The following DMD variants were observed in gnomAD, a reference collection of about 807,000 sequenced individuals.
DMD encodes the protein dystrophin, also known as mutant dystrophin.
Under a neutral mutation model 330.1 loss-of-function variants are expected in DMD, and 63 were observed. That is an observed-to-expected ratio of 0.19 (90% confidence interval 0.16 to 0.24). DMD has a LOEUF of 0.24. DMD is among the 10% of genes least tolerant of loss of function. DMD has a pLI of 1.00. For synonymous variants in DMD, 1,223 were observed against 959.8 expected, an observed-to-expected ratio of 1.27 and a Z score of -5.07; for missense variants, 3,344 against 2,684.1, an observed-to-expected ratio of 1.25 and a Z score of -5.43.
chrX:32,764,550 T>A (rs1040708154), intron 7 of DMD, among the ~76,000 whole-genome samples: 26 of 111,393 alleles, frequency 2.3e-4, no homozygotes, highest in African/African-American at 8.2e-4. Flanking sequence ...TCATATGTTA[T>A]CCTTTTGTAT....
intron 47 of DMD, among the ~76,000 whole-genome samples, chrX:31,888,876 T>C (rs1168679485): frequency 8.9e-6 from 1 of 112,438 alleles, no homozygotes; most frequent in Non-Finnish European, 1.9e-5. Context: ...GGCATAGCTC[T>C]CGGAATATTA....
intron 1 of DMD, among the ~76,000 whole-genome samples, chrX:33,315,073 C>A (rs995857260): frequency 2.7e-5 from 3 of 111,872 alleles, no homozygotes; most frequent in Non-Finnish European, 5.6e-5. Flanking sequence ...CCCGCCTCAG[C>A]CTCCCAAAGT....
At chrX:31,397,011 G>T (rs758560799) in intron 60 of DMD, among the ~76,000 whole-genome samples, 2 of 111,870 alleles carry the variant, frequency 1.8e-5, no homozygotes, top group East Asian at 5.6e-4. Flanking sequence ...ACTAGATTTA[G>T]AGTGTGTCTT....
intron 77 of DMD, among the ~76,000 whole-genome samples, chrX:31,131,442 G>A (rs1009716415): frequency 6.3e-5 from 7 of 111,864 alleles, no homozygotes; most frequent in African/African-American, 2.3e-4. Context: ...ATATATACAT[G>A]TGTGTACATA....
At chrX:31,387,896 ACT>A (rs2060518143) in intron 60 of DMD, among the ~76,000 whole-genome samples, 1 of 110,002 alleles carries the variant, frequency 9.1e-6, no homozygotes, top group African/African-American at 3.3e-5. Flanking sequence ...TCCATGAACA[ACT>A]CTCTAGCGTC....
intron 7 of DMD, among the ~76,000 whole-genome samples, chrX:32,715,066 G>C (rs73458805): frequency 0.018 from 2,048 of 111,079 alleles, 56 homozygotes; most frequent in African/African-American, 0.063. Flanking sequence ...CCACATATTT[G>C]CTACTTTATA....
chrX:32,037,369 A>G (rs765273591), intron 44 of DMD, among the ~76,000 whole-genome samples: 1 of 112,173 alleles, frequency 8.9e-6, no homozygotes, highest in South Asian at 3.7e-4. Flanking sequence ...ATTTGTAAAA[A>G]CTAGCGTGCT....
At chrX:32,882,101 T>G (rs2084006314) in intron 2 of DMD, among the ~76,000 whole-genome samples, 1 of 112,051 alleles carries the variant, frequency 8.9e-6, no homozygotes, top group Non-Finnish European at 1.9e-5. Flanking sequence ...TCGCCCCTGC[T>G]GCAGAAATAC....
intron 12 of DMD, among the ~76,000 whole-genome samples, chrX:32,606,194 C>G (rs967595163): frequency 1.9e-4 from 21 of 110,355 alleles, no homozygotes; most frequent in African/African-American, 6.6e-4. Context: ...CCTTCCCAGT[C>G]TCTGATAACC....
chrX:32,723,164 G>A (rs772973944), intron 7 of DMD, among the ~76,000 whole-genome samples: 1 of 111,500 alleles, frequency 9.0e-6, no homozygotes, highest in Admixed American at 9.6e-5. Context: ...TTTATCAAAT[G>A]CTTTTTCTGC....
At chrX:32,503,696 C>T (rs965857537) in intron 18 of DMD, among the ~76,000 whole-genome samples, 6 of 110,270 alleles carry the variant, frequency 5.4e-5, no homozygotes, top group African/African-American at 1.3e-4. Flanking sequence ...GCCGGGATTA[C>T]AGGCGTGCAC....
intron 62 of DMD, among the ~76,000 whole-genome samples, chrX:31,283,049 A>T (rs1352970192): frequency 8.9e-6 from 1 of 111,859 alleles, no homozygotes. Context: ...ACTGAAAGAA[A>T]TTCCATTGAT....
intron 68 of DMD, among the ~76,000 whole-genome samples, 167 bp downstream of exon 68, chrX:31,182,571 G>A (rs1285263529): frequency 3.6e-5 from 4 of 111,325 alleles, no homozygotes; most frequent in African/African-American, 1.3e-4. Flanking sequence ...ATAACCTAGC[G>A]ATCAGGAGGG....
chrX:32,390,084 A>G lies in DMD; in HGVS notation c.4331T>C (p.Ile1444Thr), dbSNP rs778423964. The G allele has an allele frequency of 7.5e-6, 9 of 1,207,145 alleles. No individual in the cohort carries two copies. The highest frequency in any genetic ancestry group is 3.0e-5 in the East Asian group (1 of 33,766). Residue 1444 changes from isoleucine (I) to threonine (T), a missense_variant, in exon 31 of 79, where the codon ATT (isoleucine) becomes ACT (threonine). By Grantham distance (89) the Ile-to-Thr change is moderately conservative. Transcript: ENST00000357033. ...AATAACATATACCTGTGCAACATCAATCTGAGACAGGACTCTTTGGGCAGC... is the reference window on the plus strand; with the variant it reads ...AATAACATATACCTGTGCAACATCAGTCTGAGACAGGACTCTTTGGGCAGC... ...KEAAQRVLSQ[I>T]DVAQKKLQDV...
In DMD at chrX:32,362,794, A is replaced by T; in HGVS notation, c.5319T>A (p.Thr1773=). 2 of 1,210,835 alleles carry T rather than the reference A, an allele frequency of 1.7e-6. No individual in the cohort carries two copies. Among genetic ancestry groups the T allele is most frequent in the Admixed American group, 2.2e-5 (1 of 45,893 alleles). ...RFAAISHRIK[T]GKASIPLKEL... is the part of the protein sequence containing the mutation. ...TTGGAGTAGATCTTCCTACCTTTCC[A>T]GTCTTAATTCTGTGTGAAATGGCTG... The change falls in exon 37 of 79, where the codon ACT becomes ACA. Residue 1773 remains threonine, a synonymous_variant. Coordinates refer to ENST00000357033, the MANE Select transcript of DMD (RefSeq NM_004006.3).
At chrX:31,886,786 T>A (rs1418350295) in intron 47 of DMD, among the ~76,000 whole-genome samples, 1 of 111,826 alleles carries the variant, frequency 8.9e-6, no homozygotes, top group Non-Finnish European at 1.9e-5. Flanking sequence ...GTCTAAAACA[T>A]TTTAGTGCAC....
At chrX:32,214,453 T>C (rs886843809) in intron 44 of DMD, among the ~76,000 whole-genome samples, 1 of 111,374 alleles carries the variant, frequency 9.0e-6, no homozygotes, top group African/African-American at 3.3e-5. Flanking sequence ...TATTTTATTC[T>C]TCATCTGAGT....
intron 2 of DMD, among the ~76,000 whole-genome samples, chrX:32,909,350 G>A (rs1443972739): frequency 1.8e-5 from 2 of 111,116 alleles, no homozygotes; most frequent in Admixed American, 9.6e-5. Flanking sequence ...ATACATATTA[G>A]GGAAATCACA....
intron 43 of DMD, among the ~76,000 whole-genome samples, chrX:32,248,746 CAAG>C (rs2097252159): frequency 1.8e-5 from 2 of 110,847 alleles, no homozygotes; most frequent in Non-Finnish European, 3.8e-5. Context: ...AGTTAATTAT[CAAG>C]AATAACTTGG....
Sources: allele counts gnomAD v4.1 joint callset (sites outside exome capture counted in the v4.1 genomes callset), GRCh38; gene constraint gnomAD v4.1.1; transcripts MANE v1.5; gene names NCBI Gene and HGNC (gene_info 2026-07-23, HGNC 2026-07-21).